Variants in PTPRD observed in about 807,000 individuals in gnomAD.
The protein encoded by PTPRD is receptor-type tyrosine-protein phosphatase delta.
PTPRD carries 34 observed loss-of-function variants against 214.5 expected under a neutral mutation model. The observed-to-expected ratio is 0.16, with a 90% CI of 0.12 to 0.21. The LOEUF (loss-of-function observed/expected upper bound fraction) is 0.21. Ranked by LOEUF, PTPRD falls within the 10% of genes least tolerant of loss-of-function variation. The pLI, the probability that PTPRD is intolerant of heterozygous loss-of-function variation, is 1.00. For missense variants in PTPRD, 2,545 were observed against 2,398.7 expected (o/e 1.06, Z -1.27); for synonymous variants, 1,128 against 845.7 (o/e 1.33, Z -5.79).
chr9:8,838,178 G>A (rs533600577), intron 11 of PTPRD, among the ~76,000 whole-genome samples: 1 of 151,596 alleles, frequency 6.6e-6, no homozygotes, highest in South Asian at 2.1e-4. Flanking sequence ...AAATTAAGAA[G>A]AGCAAGCAAA....
At chr9:9,817,374 T>G (rs908035430) in intron 5 of PTPRD, among the ~76,000 whole-genome samples, 1 of 152,104 alleles carries the variant, frequency 6.6e-6, no homozygotes, top group Non-Finnish European at 1.5e-5. Context: ...TAGGTCAGAG[T>G]AAGGGATGAC....
At chr9:9,002,037 C>G (rs2099423605) in intron 11 of PTPRD, among the ~76,000 whole-genome samples, 1 of 151,504 alleles carries the variant, frequency 6.6e-6, no homozygotes, top group Non-Finnish European at 1.5e-5. Context: ...AGTTCAAGCC[C>G]TTATATTACA....
chr9:8,355,144 T>C (rs1463742544), intron 39 of PTPRD, among the ~76,000 whole-genome samples: 1 of 151,920 alleles, frequency 6.6e-6, no homozygotes, highest in African/African-American at 2.4e-5. Flanking sequence ...TAATGAGGGA[T>C]ATTGAGTTTA....
chr9:9,961,895 T>G (rs1434674134), intron 4 of PTPRD, among the ~76,000 whole-genome samples: 1 of 152,138 alleles, frequency 6.6e-6, no homozygotes, highest in East Asian at 1.9e-4. Flanking sequence ...TTAAAAACAA[T>G]TTCATAGAGG....
intron 34 of PTPRD, among the ~76,000 whole-genome samples, chr9:8,439,933 TAA>T (rs1344103504): frequency 7.3e-6 from 1 of 137,284 alleles, no homozygotes; most frequent in African/African-American, 2.7e-5. Flanking sequence ...TGATGTGCTT[TAA>T]TTTTTTTTTT....
intron 7 of PTPRD, among the ~76,000 whole-genome samples, chr9:9,695,357 CA>C (rs1386705818): frequency 6.6e-6 from 1 of 152,114 alleles, no homozygotes; most frequent in East Asian, 1.9e-4. Flanking sequence ...TCTTTTTAAG[CA>C]GAAGGAGAGA....
chr9:9,395,752 G>C (rs1010087867), intron 9 of PTPRD, among the ~76,000 whole-genome samples: 1 of 151,950 alleles, frequency 6.6e-6, no homozygotes, highest in Admixed American at 6.6e-5. Flanking sequence ...CATTCACAAC[G>C]TCAGTAGGAA....
chr9:9,554,378 T>G (rs1410752940), intron 8 of PTPRD, among the ~76,000 whole-genome samples: 1 of 151,116 alleles, frequency 6.6e-6, no homozygotes, highest in Non-Finnish European at 1.5e-5. Context: ...TACTTACTAG[T>G]GCACACTGTG....
At chr9:10,108,141 C>G (rs2098653254) in intron 3 of PTPRD, among the ~76,000 whole-genome samples, 1 of 152,004 alleles carries the variant, frequency 6.6e-6, no homozygotes, top group Non-Finnish European at 1.5e-5. Flanking sequence ...TGCTTTAGAA[C>G]ACTAGGAATT....
At chr9:9,874,352 T>C (rs1206618829) in intron 5 of PTPRD, among the ~76,000 whole-genome samples, 1 of 152,156 alleles carries the variant, frequency 6.6e-6, no homozygotes, top group Non-Finnish European at 1.5e-5. Flanking sequence ...TAAAAGTCTC[T>C]TAAAAACAAT....
At chr9:10,202,658 T>C (rs958854652) in intron 3 of PTPRD, among the ~76,000 whole-genome samples, 1 of 96,196 alleles carries the variant, frequency 1.0e-5, no homozygotes, top group Non-Finnish European at 2.0e-5. Context: ...TGCCTACTTA[T>C]AAAAATTATA....
intron 2 of PTPRD, among the ~76,000 whole-genome samples, chr9:10,446,124 A>C (rs1050290259): frequency 6.6e-6 from 1 of 151,918 alleles, no homozygotes; most frequent in Non-Finnish European, 1.5e-5. Flanking sequence ...CACCTTCTCC[A>C]CCCCACCCCC....
At chr9:8,744,264 G>C (rs551228881) in intron 11 of PTPRD, among the ~76,000 whole-genome samples, 2 of 152,284 alleles carry the variant, frequency 1.3e-5, no homozygotes, top group South Asian at 2.1e-4. Context: ...ACTGAAAGTA[G>C]ATCTATCATT....
At chr9:8,395,415 C>T (rs1392523) in intron 36 of PTPRD, among the ~76,000 whole-genome samples, 122,272 of 151,816 alleles carry the variant, frequency 0.81, 51,594 homozygotes, top group Middle Eastern at 0.94. Flanking sequence ...CATTTACAAG[C>T]AAATTGATTA....
At chr9:10,049,396 G>GT (rs1278543723) in intron 3 of PTPRD, among the ~76,000 whole-genome samples, 1 of 85,074 alleles carries the variant, frequency 1.2e-5, no homozygotes, top group African/African-American at 4.4e-5. Context: ...AGCTTCTCTG[G>GT]TTAAAAAAAA....
intron 3 of PTPRD, among the ~76,000 whole-genome samples, chr9:10,217,343 C>T (rs1418753405): frequency 6.6e-6 from 1 of 151,576 alleles, no homozygotes; most frequent in Non-Finnish European, 1.5e-5. Flanking sequence ...GCCTCTGAGA[C>T]CTGAAAGAAA....
chr9:10,279,927 T>A (rs2094993532), intron 3 of PTPRD, among the ~76,000 whole-genome samples: 1 of 152,152 alleles, frequency 6.6e-6, no homozygotes. Context: ...AATTCCACCC[T>A]ATTCACAGTC....
intron 12 of PTPRD, among the ~76,000 whole-genome samples, chr9:8,673,288 T>C (rs2097326699): frequency 1.3e-5 from 2 of 152,216 alleles, no homozygotes; most frequent in African/African-American, 4.8e-5. Context: ...TGAAGCAAGT[T>C]ATGACCTCTT....
intron 7 of PTPRD, among the ~76,000 whole-genome samples, chr9:9,667,424 C>G (rs959150473): frequency 2.0e-5 from 3 of 152,118 alleles, no homozygotes; most frequent in African/African-American, 7.2e-5. Context: ...GCAAAACTGT[C>G]TCTCCATCAG....
Sources: allele counts gnomAD v4.1 joint callset (sites outside exome capture counted in the v4.1 genomes callset), GRCh38; gene constraint gnomAD v4.1.1; transcripts MANE v1.5; gene names NCBI Gene and HGNC (gene_info 2026-07-23, HGNC 2026-07-21).